Variants in RAD51B observed in about 807,000 individuals in gnomAD.
The protein encoded by RAD51B is DNA repair protein RAD51 homolog 2.
In RAD51B, 38 loss-of-function variants were observed where a neutral mutation model predicts 42.2. The observed-to-expected ratio is 0.90, with a 90% confidence interval of 0.70 to 1.18. The LOEUF (loss-of-function observed/expected upper bound fraction) is 1.18, where lower values mean the gene tolerates loss of function less well. RAD51B is among the 50% of genes most tolerant of loss of function. The pLI, the probability that RAD51B is intolerant of heterozygous loss-of-function variation, is 0.00. For synonymous variants in RAD51B, 154 were observed against 145.2 expected, an observed-to-expected ratio of 1.06 and a Z score of -0.43; for missense variants, 373 against 400.7, an observed-to-expected ratio of 0.93 and a Z score of 0.59.
intron 5 of RAD51B, among the ~76,000 whole-genome samples, chr14:67,866,964 G>A (rs534111460): frequency 4.3e-4 from 66 of 152,254 alleles, no homozygotes; most frequent in Non-Finnish European, 8.7e-4. Flanking sequence ...TGAGAATAGG[G>A]GTTGAACTTT....
At chr14:68,276,349 C>G (rs929694755) in intron 7 of RAD51B, among the ~76,000 whole-genome samples, 2 of 152,190 alleles carry the variant, frequency 1.3e-5, no homozygotes, top group Admixed American at 6.5e-5. Context: ...CCTAGCTTCC[C>G]ATCCATCCTC....
chr14:67,844,292 A>G (rs951654828), intron 4 of RAD51B, among the ~76,000 whole-genome samples: 6 of 151,798 alleles, frequency 4.0e-5, no homozygotes, highest in African/African-American at 1.5e-4. Flanking sequence ...GTGTTAGAAC[A>G]TGTACCCTGT....
intron 7 of RAD51B, among the ~76,000 whole-genome samples, chr14:68,187,383 AG>A (rs1309289665): frequency 6.6e-6 from 1 of 152,204 alleles, no homozygotes; most frequent in Non-Finnish European, 1.5e-5. Context: ...GAAAAAAAAA[AG>A]AACTATCCCT....
chr14:68,409,329 G>T (rs1326634424), intron 8 of RAD51B, among the ~76,000 whole-genome samples: 1 of 152,192 alleles, frequency 6.6e-6, no homozygotes, highest in Non-Finnish European at 1.5e-5. Flanking sequence ...AATTTCAAGA[G>T]AAATGGTAAA....
At chr14:68,487,912 A>G (rs143312936) in intron 10 of RAD51B, among the ~76,000 whole-genome samples, 3 of 152,114 alleles carry the variant, frequency 2.0e-5, no homozygotes, top group African/African-American at 7.2e-5. Flanking sequence ...CATAACACCT[A>G]CCATAACTGT....
intron 7 of RAD51B, among the ~76,000 whole-genome samples, chr14:68,088,598 G>T (rs1312993204): frequency 6.6e-6 from 1 of 150,680 alleles, no homozygotes; most frequent in African/African-American, 2.4e-5. Flanking sequence ...TCGTGTGTGT[G>T]TGTGTGTGTG....
At chr14:68,005,265 G>A (rs778383029) in intron 7 of RAD51B, among the ~76,000 whole-genome samples, 16 of 151,856 alleles carry the variant, frequency 1.1e-4, no homozygotes, top group Non-Finnish European at 2.2e-4. Flanking sequence ...TGTTAGTCAG[G>A]CTGATCTCGA....
chr14:68,535,858 T>C (rs1594951479), intron 10 of RAD51B, among the ~76,000 whole-genome samples: 2 of 152,264 alleles, frequency 1.3e-5, no homozygotes, highest in South Asian at 2.1e-4. Flanking sequence ...CTAGGAGCAC[T>C]TGGAGGTTTG....
chr14:68,528,757 G>A (rs1887092983), intron 10 of RAD51B, among the ~76,000 whole-genome samples: 1 of 27,854 alleles, frequency 3.6e-5, no homozygotes. Flanking sequence ...CTTTTAAAAT[G>A]GGTTACTTAA....
intron 7 of RAD51B, among the ~76,000 whole-genome samples, chr14:68,083,504 C>T (rs761731609): frequency 3.9e-5 from 6 of 152,120 alleles, no homozygotes; most frequent in South Asian, 2.1e-4. Context: ...CTAAATTTTG[C>T]GCTCGTTGTA....
intron 7 of RAD51B, among the ~76,000 whole-genome samples, chr14:67,935,373 G>T (rs146101751): frequency 2.0e-5 from 3 of 151,354 alleles, no homozygotes; most frequent in African/African-American, 7.3e-5. Context: ...TCTTAAAAAA[G>T]TTTTTTTTTC....
intron 7 of RAD51B, among the ~76,000 whole-genome samples, chr14:68,208,033 C>T (rs2079628521): frequency 6.6e-6 from 1 of 151,870 alleles, no homozygotes; most frequent in Non-Finnish European, 1.5e-5. Flanking sequence ...GTCTAAGAGG[C>T]ATTGTAGACA....
intron 7 of RAD51B, among the ~76,000 whole-genome samples, chr14:68,209,447 TAA>T (rs1220070086): frequency 2.0e-5 from 3 of 152,246 alleles, no homozygotes; most frequent in Non-Finnish European, 4.4e-5. Context: ...GCTTCACTGA[TAA>T]CTCTCTGAGA....
chr14:68,326,910 G>A (rs949403654), intron 8 of RAD51B, among the ~76,000 whole-genome samples: 2 of 151,930 alleles, frequency 1.3e-5, no homozygotes, highest in Non-Finnish European at 2.9e-5. Context: ...AGACTGCCTA[G>A]CAGGATCTGA....
In RAD51B at chr14:68,178,113, A is replaced by C. The variant is rs144396265; in HGVS notation, c.757-113771A>C. 3.6e-3 allele frequency among the ~76,000 whole-genome samples: 544 copies of C among 152,250 alleles called. 5 individuals are homozygous for C. The highest frequency in any genetic ancestry group is 0.012 in the African/African-American group (515 of 41,546). On this transcript the variant is annotated intron_variant, in intron 7 of 10. Coordinates refer to ENST00000471583, the MANE Select transcript of RAD51B (RefSeq NM_133510.4). ...CTTTCCTGCCTGAGGCTGCTTCAAC[A>C]AACAGCAAGTATAAACTGAAACCCT...
chr14:67,853,150 A>G lies in RAD51B; in HGVS notation c.316-11853A>G, dbSNP rs918459976. ...CAGTGAGTGGCCCTGAGATAAGAGC[A>G]AGAAAGGAACCTCAGACCTAGAGCT... is the stretch of plus-strand genomic sequence containing the variant. On this transcript the variant is annotated intron_variant, in intron 4 of 10. Coordinates refer to ENST00000471583, the MANE Select transcript of RAD51B (RefSeq NM_133510.4). Among the ~76,000 whole-genome samples, 3 of 152,252 alleles carry G rather than the reference A, an allele frequency of 2.0e-5. No individual in the cohort carries two copies. In the South Asian group the frequency reaches 6.2e-4, roughly 31 times the overall value.
intron 7 of RAD51B, among the ~76,000 whole-genome samples, chr14:68,135,511 A>G (rs945107753): frequency 1.3e-5 from 2 of 152,178 alleles, no homozygotes; most frequent in Admixed American, 6.5e-5. Flanking sequence ...GGGGAATAGT[A>G]TACACATAGA....
chr14:68,571,408 A>G (rs951582034), intron 10 of RAD51B, among the ~76,000 whole-genome samples: 7 of 152,198 alleles, frequency 4.6e-5, no homozygotes, highest in African/African-American at 1.7e-4. Context: ...GCTGCAGAAA[A>G]GAAAGTGTTG....
At chr14:68,072,070 A>T (rs1008308514) in intron 7 of RAD51B, among the ~76,000 whole-genome samples, 1,208 of 104,550 alleles carry the variant, frequency 0.012, 27 homozygotes, top group African/African-American at 0.03. Flanking sequence ...TATTTATATA[A>T]ATATATAAAT....
Sources: gnomAD v4.1 joint callset for allele counts (sites outside exome capture counted in the v4.1 genomes callset) on GRCh38, gnomAD v4.1.1 for gene constraint, MANE v1.5 for transcripts, NCBI Gene and HGNC (gene_info 2026-07-23, HGNC 2026-07-21) for gene names.